The following AKAP7 variants were observed in gnomAD, a reference collection of about 807,000 sequenced individuals.
The protein encoded by AKAP7 is A kinase (PRKA) anchor protein 7.
In AKAP7, 39 loss-of-function variants were observed where a neutral mutation model predicts 39.5. The observed-to-expected ratio is 0.99, with a 90% CI of 0.76 to 1.29. AKAP7 has a LOEUF of 1.29. Among genes scored for constraint, AKAP7 ranks in the 50% most tolerant of loss-of-function variants. The pLI, the probability that AKAP7 is intolerant of heterozygous loss-of-function variation, is 0.00. For synonymous variants in AKAP7, 140 were observed against 139.1 expected (o/e 1.01, Z -0.05); for missense variants, 414 against 407.7 (o/e 1.02, Z -0.13).
intron 6 of AKAP7, among the ~76,000 whole-genome samples, chr6:131,205,466 G>T (rs888527694): frequency 1.3e-5 from 2 of 152,090 alleles, no homozygotes; most frequent in African/African-American, 4.8e-5. Context: ...CTGTCCTCTG[G>T]TAGGCACTTG....
At chr6:131,239,917 A>G (rs1375148289) in intron 7 of AKAP7, among the ~76,000 whole-genome samples, 1 of 152,206 alleles carries the variant, frequency 6.6e-6, no homozygotes, top group Non-Finnish European at 1.5e-5. Context: ...TGTCAAAGTC[A>G]TTCTCTGTCC....
the AKAP7 span, among the ~76,000 whole-genome samples, chr6:131,126,865 AG>A: frequency 2.0e-5 from 3 of 152,146 alleles, no homozygotes; most frequent in Non-Finnish European, 4.4e-5. Context: ...CCTGCATATC[AG>A]GTGTACAGAG....
chr6:131,244,941 G>A (rs1048463807), intron 7 of AKAP7, among the ~76,000 whole-genome samples: 4 of 152,058 alleles, frequency 2.6e-5, no homozygotes, highest in Admixed American at 6.5e-5. Flanking sequence ...AAAAACAAAA[G>A]CACTGTAAAG....
At chr6:131,222,059 C>T (rs888867391) in intron 7 of AKAP7, among the ~76,000 whole-genome samples, 76 of 152,276 alleles carry the variant, frequency 5.0e-4, no homozygotes, top group Non-Finnish European at 6.3e-4. Context: ...TGAAAACCTT[C>T]TGGAAAGGAT....
chr6:131,180,704 G>A (rs367897627), intron 5 of AKAP7, among the ~76,000 whole-genome samples: 25 of 152,162 alleles, frequency 1.6e-4, no homozygotes, highest in African/African-American at 4.3e-4. Context: ...ATGCCACATC[G>A]TGGGCCCCTG....
At chr6:131,202,456 T>C (rs1276437700) in intron 6 of AKAP7, among the ~76,000 whole-genome samples, 7 of 151,100 alleles carry the variant, frequency 4.6e-5, no homozygotes, top group Admixed American at 4.6e-4. Context: ...TCATGTCCTT[T>C]GTAGGGACAT....
At position 131,250,509 on chromosome 6, in the gene AKAP7, A is replaced by G. The variant is rs74451675; in HGVS notation, c.850+30701A>G. 8.1e-4 allele frequency: 1,313 copies of G among 1,612,896 alleles called. 13 individuals carry two copies. In the African/African-American group the frequency reaches 0.016, roughly 19 times the overall value. ...CTCGCAGACTGTGCTATAAACTGCA[A>G]TTTCTATTTGGGGTCCTCACGGAGA... On this transcript the variant is annotated intron_variant, in intron 7 of 7. Coordinates refer to ENST00000431975, the MANE Select transcript of AKAP7 (RefSeq NM_016377.4).
the AKAP7 span, among the ~76,000 whole-genome samples, chr6:131,129,187 T>C: frequency 6.7e-6 from 1 of 150,200 alleles, no homozygotes; most frequent in East Asian, 2.0e-4. Context: ...CCAGGGAGGC[T>C]GAGGCAGGAG....
At chr6:131,212,444 G>T (rs1808756276) in intron 6 of AKAP7, among the ~76,000 whole-genome samples, 2 of 152,050 alleles carry the variant, frequency 1.3e-5, no homozygotes, top group South Asian at 4.1e-4. Context: ...TTTCCCATCA[G>T]ACTCCCTTAT....
rs139481662 is a variant in AKAP7, at chr6:131,270,200, T to C, written c.851-11330T>C. ...AAGATTGTGAACAGTTCCATCACTCTCCAAAATTCTCTCATGCCCTTTTAT... is the reference window on the plus strand; with the variant it reads ...AAGATTGTGAACAGTTCCATCACTCCCCAAAATTCTCTCATGCCCTTTTAT... On this transcript the variant is annotated intron_variant, in intron 7 of 7. Transcript: ENST00000431975. Among the ~76,000 whole-genome samples the C allele has an allele frequency of 1.1e-3, 169 of 152,338 alleles. 1 individual carries two copies. The highest frequency in any genetic ancestry group is 3.8e-3 in the African/African-American group (158 of 41,578).
intron 7 of AKAP7, among the ~76,000 whole-genome samples, chr6:131,235,177 G>C (rs565919270): frequency 2.0e-5 from 3 of 152,128 alleles, no homozygotes; most frequent in Admixed American, 6.5e-5. Flanking sequence ...TTGTCCTTGC[G>C]ATAGTTTGCT....
chr6:131,246,425 A>T (rs573657652), intron 7 of AKAP7, among the ~76,000 whole-genome samples: 5 of 152,360 alleles, frequency 3.3e-5, no homozygotes, highest in Non-Finnish European at 5.9e-5. Context: ...ACATAGTATC[A>T]TATCAGATAT....
At chr6:131,276,092 C>A (rs932924276) in intron 7 of AKAP7, among the ~76,000 whole-genome samples, 7 of 152,166 alleles carry the variant, frequency 4.6e-5, no homozygotes, top group African/African-American at 1.7e-4. Context: ...TCTCCAAAAC[C>A]CCTGTGGGGA....
intron 5 of AKAP7, among the ~76,000 whole-genome samples, chr6:131,173,753 C>T (rs1406851540): frequency 1.3e-5 from 2 of 152,088 alleles, no homozygotes; most frequent in African/African-American, 2.4e-5. Context: ...TTCTTGGCTG[C>T]TCTGGAAAAA....
intron 7 of AKAP7, among the ~76,000 whole-genome samples, chr6:131,272,092 C>T (rs1310876465): frequency 6.6e-6 from 1 of 152,130 alleles, no homozygotes; most frequent in African/African-American, 2.4e-5. Flanking sequence ...CAAAAAATCC[C>T]ATTCATTTCT....
chr6:131,224,320 A>C (rs945612566), intron 7 of AKAP7, among the ~76,000 whole-genome samples: 1 of 152,160 alleles, frequency 6.6e-6, no homozygotes, highest in African/African-American at 2.4e-5. Context: ...TAATTGGCCT[A>C]CCTTGGTTTG....
chr6:131,268,298 A>G (rs1336528777), intron 7 of AKAP7, among the ~76,000 whole-genome samples: 12 of 152,204 alleles, frequency 7.9e-5, no homozygotes, highest in Admixed American at 5.9e-4. Context: ...TGAGGGAATT[A>G]TCAGTTTCCA....
intron 4 of AKAP7, among the ~76,000 whole-genome samples, chr6:131,166,701 T>C (rs1233681977): frequency 6.6e-6 from 1 of 152,174 alleles, no homozygotes; most frequent in African/African-American, 2.4e-5. Context: ...TAATTGATGG[T>C]GAGGTTCAAG....
intron 7 of AKAP7, among the ~76,000 whole-genome samples, chr6:131,280,438 C>T (rs1815110470): frequency 6.6e-6 from 1 of 152,200 alleles, no homozygotes; most frequent in South Asian, 2.1e-4. Flanking sequence ...TGCTTCTGTT[C>T]TTCAATCCCT....
Sources: gnomAD v4.1 joint callset for allele counts (sites outside exome capture counted in the v4.1 genomes callset) on GRCh38, gnomAD v4.1.1 for gene constraint, MANE v1.5 for transcripts, NCBI Gene and HGNC (gene_info 2026-07-23, HGNC 2026-07-21) for gene names.